Variants in ZAP70 observed in about 807,000 individuals in gnomAD.
ZAP70 encodes tyrosine-protein kinase ZAP-70.
In ZAP70, 27 loss-of-function variants were observed where a neutral mutation model predicts 65.8. The observed-to-expected ratio is 0.41, with a 90% CI of 0.30 to 0.57. The LOEUF is 0.57. Ranked by LOEUF, ZAP70 falls within the 20% of genes least tolerant of loss-of-function variation. The pLI is 0.28. For missense variants in ZAP70, 696 were observed against 870.5 expected (o/e 0.80, Z 2.52); for synonymous variants, 363 against 360.8 (o/e 1.01, Z -0.07).
chr2:97,738,037 A>G lies in ZAP70; in HGVS notation c.1666A>G (p.Lys556Glu), dbSNP rs1322986133. 4 of 1,613,134 alleles carry G rather than the reference A, an allele frequency of 2.5e-6. No individual in the cohort carries two copies. Among genetic ancestry groups the G allele is most frequent in the Non-Finnish European group, 3.4e-6 (4 of 1,179,456 alleles). Residue 556 changes from lysine (K) to glutamate (E), a missense_variant, in exon 13 of 14, where the codon AAG (lysine) becomes GAG (glutamate). Physicochemically the swap from Lys to Glu is moderately conservative, Grantham distance 56 (BLOSUM62 1). Transcript: ENST00000264972. Reference protein sequence around the residue: ...PEVMAFIEQGKRMECPPECPP... With the variant: ...PEVMAFIEQGERMECPPECPP... ...GGTCATGGCCTTCATCGAGCAGGGC[A>G]AGCGGATGGAGTGCCCACCAGAGTG...
the ZAP70 span, among the ~76,000 whole-genome samples, chr2:97,753,824 A>G: frequency 3.3e-5 from 5 of 152,004 alleles, no homozygotes; most frequent in African/African-American, 9.7e-5. Context: ...ACAAAAAATA[A>G]AAAAATAAAA....
chr2:97,735,515 G>A, intron 10 of ZAP70, 59 bp downstream of exon 10: 3 of 1,568,976 alleles, frequency 1.9e-6, no homozygotes, highest in Middle Eastern at 3.8e-4. Context: ...TCCTGGGCAT[G>A]GTGGACATGC....
chr2:97,732,607 G>C (rs551232903), intron 4 of ZAP70: 1 of 546,562 alleles, frequency 1.8e-6, no homozygotes, highest in Non-Finnish European at 3.3e-6. Flanking sequence ...ACCGTGGGGG[G>C]TCAGGTATTC....
Position 97,735,425 on chromosome 2 carries a change from G to C in ZAP70, c.1258G>C (p.Gly420Arg). ...LMLVMEMAGG[G>R]PLHKFLVGKR... The stretch of plus-strand genomic sequence containing the variant: ...GCTGGTCATGGAGATGGCTGGGGGC[G>C]GGCCGCTGCACAAGTTCCTGGTCGG... Residue 420 changes from glycine to arginine, a missense_variant, in exon 10 of 14, where the codon GGG becomes CGG. By Grantham distance (125) the Gly-to-Arg change is moderately radical (BLOSUM62 -2). Around this residue, in one of 3 missense-constraint regions of ZAP70, gnomAD observed 551 missense variants for 630.0 expected, o/e 0.87. Transcript: ENST00000264972. 1 of 1,613,354 alleles carries C rather than the reference G, an allele frequency of 6.2e-7. No homozygotes were observed. Among genetic ancestry groups the C allele is most frequent in the Non-Finnish European group, 8.5e-7 (1 of 1,179,542 alleles).
At position 97,732,413 on chromosome 2, in the gene ZAP70, T is replaced by C. The variant is rs572978978; in HGVS notation, c.564-470T>C. ...CCTGTTGAAGGCTCTGGGTCTGTTGTAGAAGGCCAAGTGCCCCCCATGGTT... is the reference window on the plus strand; with the variant it reads ...CCTGTTGAAGGCTCTGGGTCTGTTGCAGAAGGCCAAGTGCCCCCCATGGTT... On this transcript the variant is annotated intron_variant, in intron 4 of 13. Coordinates refer to ENST00000264972, the MANE Select transcript of ZAP70 (RefSeq NM_001079.4). Among the ~76,000 whole-genome samples the C allele has an allele frequency of 3.3e-5, 5 of 152,294 alleles. No homozygotes were observed. In the South Asian group the frequency reaches 1.0e-3, roughly 32 times the overall value.
chr2:97,715,040 A>C lies in ZAP70; in HGVS notation c.-22+1046A>C, dbSNP rs1404696524. On this transcript the variant is annotated intron_variant, in intron 2 of 13. Transcript: ENST00000264972. This position sits in a 1 kb window ranked among gnomAD's most constrained non-coding sequence, Gnocchi z 4.1. The stretch of plus-strand genomic sequence containing the variant: ...TGACTGTATCCACACTGCCCGGCAC[A>C]TACAGGTGCTGCAGAAAGGTCTCAC... Among the ~76,000 whole-genome samples, 1 of 152,104 alleles carries C rather than the reference A, an allele frequency of 6.6e-6. No individual in the cohort carries two copies. The highest frequency in any genetic ancestry group is 2.4e-5 in the African/African-American group (1 of 41,414).
intron 4 of ZAP70, chr2:97,732,655 G>T: frequency 1.6e-6 from 1 of 628,592 alleles, no homozygotes; most frequent in Admixed American, 2.9e-5. Flanking sequence ...GGAGAACAGT[G>T]CATTTTCCTG....
intron 2 of ZAP70, among the ~76,000 whole-genome samples, chr2:97,719,506 T>A (rs1677076939): frequency 7.0e-6 from 1 of 143,648 alleles, no homozygotes; most frequent in Non-Finnish European, 1.5e-5. Flanking sequence ...AGTGCTTGTC[T>A]GGTGCCTACA....
chr2:97,723,912 C>T lies in ZAP70; in HGVS notation c.-21-104C>T. On this transcript the variant is annotated intron_variant, in intron 2 of 13. Transcript: ENST00000264972. ...CTGCCCCCTTGGCGAGCTCAGTCTG[C>T]GGCACTGATGCCCTCCACTTGGCGT... 6 of 1,330,708 alleles carry T rather than the reference C, an allele frequency of 4.5e-6. No individual in the cohort carries two copies. The East Asian group carries it at 1.0e-4, about 22-fold the overall frequency. The allele number at this position is 1,330,708 out of a possible 1,614,324, so 82.4% of individuals were successfully genotyped here. A position where few individuals can be genotyped will look rare whatever the true frequency, so the allele number is the denominator to read the frequency against.
downstream of ZAP70, among the ~76,000 whole-genome samples, chr2:97,740,140 G>A (rs1678087804): frequency 6.6e-6 from 1 of 152,110 alleles, no homozygotes; most frequent in East Asian, 1.9e-4. Flanking sequence ...CATGCCAGGT[G>A]CACGTTAGGA....
chr2:97,727,269 A>G (rs1259328619), intron 4 of ZAP70, among the ~76,000 whole-genome samples: 1 of 152,194 alleles, frequency 6.6e-6, no homozygotes, highest in East Asian at 1.9e-4. Context: ...CATTTTTGCA[A>G]ACGGTTGGTC....
At chr2:97,716,925 C>T (rs938694237) in intron 2 of ZAP70, among the ~76,000 whole-genome samples, 3 of 152,080 alleles carry the variant, frequency 2.0e-5, no homozygotes, top group African/African-American at 4.8e-5. Context: ...GGAGGTCTGG[C>T]GAGCTTCACT....
chr2:97,723,935 C>G (rs2104660332), intron 2 of ZAP70, 81 bp from the exon 3 acceptor site: 1 of 1,465,568 alleles, frequency 6.8e-7, no homozygotes, highest in Non-Finnish European at 9.2e-7. Flanking sequence ...CTCCACTTGG[C>G]GTCTCTCGCG....
chr2:97,725,163 C>T lies in ZAP70; in HGVS notation c.474C>T (p.His158=), dbSNP rs56404668. The change falls in exon 4 of 14, where the codon CAC becomes CAT. Residue 158 remains histidine, a synonymous_variant. Coordinates refer to ENST00000264972, the MANE Select transcript of ZAP70 (RefSeq NM_001079.4). ...QVEKLIATTA[H]ERMPWYHSSL... ...AGAAGCTCATTGCTACGACGGCCCA[C>T]GAGCGGATGCCCTGGTACCACAGCA... The T allele has an allele frequency of 3.0e-4, 491 of 1,614,172 alleles. 2 individuals carry two copies. In the African/African-American group the frequency reaches 5.2e-3, roughly 17 times the overall value.
In ZAP70 at chr2:97,734,666, T is replaced by C. The variant is rs948337308; in HGVS notation, c.1036T>C (p.Cys346Arg). The C allele has an allele frequency of 1.2e-6, 2 of 1,614,072 alleles. No individual in the cohort carries two copies. The highest frequency in any genetic ancestry group is 2.7e-5 in the African/African-American group (2 of 74,952). ...CCTCATAGCTGACATTGAACTTGGC[T>C]GCGGCAACTTTGGCTCAGTGCGCCA... ...NLLIADIELG[C>R]GNFGSVRQGV... Residue 346 changes from cysteine (C) to arginine (R), a missense_variant, in exon 9 of 14, where the codon TGC becomes CGC. By Grantham distance (180) the Cys-to-Arg change is radical. Coordinates refer to ENST00000264972, the MANE Select transcript of ZAP70 (RefSeq NM_001079.4).
intron 4 of ZAP70, among the ~76,000 whole-genome samples, chr2:97,726,510 T>C (rs1677395066): frequency 6.6e-6 from 1 of 152,272 alleles, no homozygotes; most frequent in African/African-American, 2.4e-5. Context: ...GCAGATCCCT[T>C]GGGTCATCTG....
chr2:97,749,926 G>A, the ZAP70 span, among the ~76,000 whole-genome samples: 9 of 152,232 alleles, frequency 5.9e-5, 1 homozygote, highest in Admixed American at 4.6e-4. Flanking sequence ...TGCCAAATGA[G>A]TTCCATCCCC....
chr2:97,735,854 A>C (rs1305170906), intron 10 of ZAP70, among the ~76,000 whole-genome samples: 1 of 152,182 alleles, frequency 6.6e-6, no homozygotes, highest in African/African-American at 2.4e-5. Context: ...CTTACTAAAA[A>C]TACAAAAGAT....
At chr2:97,718,728 C>T (rs747382678) in intron 2 of ZAP70, among the ~76,000 whole-genome samples, 6 of 152,210 alleles carry the variant, frequency 3.9e-5, no homozygotes, top group Non-Finnish European at 5.9e-5. Flanking sequence ...GCTGCACCTG[C>T]GGCCACGTGG....
Sources: gnomAD v4.1 joint callset for allele counts (sites outside exome capture counted in the v4.1 genomes callset) on GRCh38, gnomAD v4.1.1 for gene constraint, gnomAD v4.1.1 regional missense constraint, Gnocchi (gnomAD v3.1) non-coding constraint, MANE v1.5 for transcripts, NCBI Gene and HGNC (gene_info 2026-07-23, HGNC 2026-07-21) for gene names.